EML1: variants seen among roughly 807,000 people sequenced by gnomAD.
EML1 encodes the protein EMAP like 1.
In EML1, 27 loss-of-function variants were observed where a neutral mutation model predicts 110.4. The observed-to-expected ratio is 0.24, with a 90% CI of 0.18 to 0.34. EML1 has a LOEUF of 0.34. Among genes scored for constraint, EML1 ranks in the 10% least tolerant of loss-of-function variants. The pLI, the probability that EML1 is intolerant of heterozygous loss-of-function variation, is 1.00. For synonymous variants in EML1, 344 were observed against 385.8 expected (o/e 0.89, Z 1.27); for missense variants, 741 against 1,030.9 (o/e 0.72, Z 3.85).
At chr14:99,818,872 G>A (rs1184908597) in intron 1 of EML1, among the ~76,000 whole-genome samples, 1 of 152,222 alleles carries the variant, frequency 6.6e-6, no homozygotes, top group Non-Finnish European at 1.5e-5. Context: ...GCAGAGGAGA[G>A]CAGAGAAGAA....
At chr14:99,899,150 T>C (rs1403166596) in intron 8 of EML1, among the ~76,000 whole-genome samples, 1 of 151,932 alleles carries the variant, frequency 6.6e-6, no homozygotes, top group Non-Finnish European at 1.5e-5. Flanking sequence ...TTTTTTGATA[T>C]CTACTTTTAT....
intron 2 of EML1, among the ~76,000 whole-genome samples, chr14:99,852,000 T>C (rs2058816791): frequency 6.6e-6 from 1 of 152,220 alleles, no homozygotes; most frequent in Admixed American, 6.5e-5. Flanking sequence ...TTCTAGCAAA[T>C]TTAAGTCATC....
rs2060120509 is a variant in EML1, at chr14:99,920,953, T to C, written c.1909+76T>C. On this transcript the variant is annotated intron_variant, in intron 17 of 21. Coordinates refer to ENST00000262233, the MANE Select transcript of EML1 (RefSeq NM_004434.3). The stretch of plus-strand genomic sequence containing the variant: ...TAAGTTCTGGAGTCCATGTGCAGGA[T>C]GTGTCGGTTTGTTACATAGGTAAAC... The C allele has an allele frequency of 2.2e-6, 3 of 1,390,808 alleles. No individual in the cohort carries two copies. The African/African-American group carries it at 4.3e-5, about 20-fold the overall frequency. The allele number at this position is 1,390,808 out of a possible 1,614,324, so 86.2% of individuals were successfully genotyped here. A position where few individuals can be genotyped will look rare whatever the true frequency, so the allele number is the denominator to read the frequency against.
chr14:99,746,794 G>A (rs909691215), intron 1 of EML1, among the ~76,000 whole-genome samples: 5 of 152,268 alleles, frequency 3.3e-5, no homozygotes, highest in Middle Eastern at 3.4e-3. Context: ...GCTGAGGCTG[G>A]CATAGAGCCT....
chr14:99,859,740 G>A (rs925064026), intron 2 of EML1, among the ~76,000 whole-genome samples: 1 of 152,190 alleles, frequency 6.6e-6, no homozygotes, highest in African/African-American at 2.4e-5. Context: ...CTCCAAATCT[G>A]TGTACAGGAT....
intron 17 of EML1, among the ~76,000 whole-genome samples, chr14:99,926,136 A>G (rs958454059): frequency 2.6e-5 from 4 of 152,130 alleles, no homozygotes; most frequent in African/African-American, 4.8e-5. Flanking sequence ...TCAGATTTTC[A>G]TGTCTTGTTC....
At chr14:99,745,482 C>T (rs1775694075) in intron 1 of EML1, among the ~76,000 whole-genome samples, 1 of 152,210 alleles carries the variant, frequency 6.6e-6, no homozygotes, top group South Asian at 2.1e-4. Flanking sequence ...CCACACACAT[C>T]ACACATTGCT....
At chr14:99,844,140 C>T (rs755776634) in intron 1 of EML1, among the ~76,000 whole-genome samples, 42 of 152,164 alleles carry the variant, frequency 2.8e-4, no homozygotes, top group Admixed American at 2.0e-4. Flanking sequence ...GCTGAGCTCT[C>T]ATAGTATAAT....
Position 99,807,910 on chromosome 14 carries a change from C to T in EML1, c.67+14367C>T, listed in dbSNP as rs114786408. On this transcript the variant is annotated intron_variant, in intron 1 of 21. Transcript: ENST00000262233. ...ATCTCATAAATGTTAGATTTGTGGT[C>T]TTACCACACCCCTCTGCTTACTGTG... Among the ~76,000 whole-genome samples the T allele has an allele frequency of 6.7e-3, 1,019 of 152,232 alleles. 22 individuals are homozygous for T. Among genetic ancestry groups the T allele is most frequent in the African/African-American group, 0.024 (980 of 41,532 alleles).
intron 1 of EML1, among the ~76,000 whole-genome samples, chr14:99,840,585 T>C (rs2058617213): frequency 1.3e-5 from 2 of 152,228 alleles, no homozygotes; most frequent in African/African-American, 4.8e-5. Context: ...GTGGCTATTA[T>C]TGTTTTGGTG....
At chr14:99,906,150 G>A (rs2059842577) in intron 9 of EML1, among the ~76,000 whole-genome samples, 1 of 152,134 alleles carries the variant, frequency 6.6e-6, no homozygotes, top group Non-Finnish European at 1.5e-5. Flanking sequence ...GTCAGCGTTT[G>A]GGTTGGGGGT....
intron 1 of EML1, among the ~76,000 whole-genome samples, chr14:99,740,344 C>T (rs2057027825): frequency 6.6e-6 from 1 of 152,228 alleles, no homozygotes; most frequent in Non-Finnish European, 1.5e-5. Context: ...GGAGTCCCAC[C>T]TGCACACCCA....
chr14:99,853,218 G>A (rs1053321676), intron 2 of EML1, among the ~76,000 whole-genome samples: 1 of 152,162 alleles, frequency 6.6e-6, no homozygotes, highest in African/African-American at 2.4e-5. Flanking sequence ...GCAAATCAAA[G>A]CTTAGTTGCC....
intron 1 of EML1, among the ~76,000 whole-genome samples, chr14:99,807,021 T>G (rs2057989428): frequency 1.3e-5 from 2 of 150,922 alleles, no homozygotes; most frequent in African/African-American, 2.4e-5. Flanking sequence ...TGAGTTTTTG[T>G]TTTTTTTTAA....
chr14:99,817,847 T>A (rs1383770617), intron 1 of EML1, among the ~76,000 whole-genome samples: 1 of 152,244 alleles, frequency 6.6e-6, no homozygotes, highest in East Asian at 1.9e-4. Context: ...ATGATCACAG[T>A]AAGCAGAAGG....
At chr14:99,758,581 TG>T (rs2057281682) in intron 1 of EML1, among the ~76,000 whole-genome samples, 1 of 152,222 alleles carries the variant, frequency 6.6e-6, no homozygotes, top group African/African-American at 2.4e-5. Context: ...GTAGTCATTT[TG>T]AGAGCCCCAG....
chr14:99,914,223 A>G lies in EML1; in HGVS notation c.1539A>G (p.Lys513=). 1.2e-6 allele frequency: 2 copies of G among 1,614,038 alleles called. No homozygotes were observed. Among genetic ancestry groups the G allele is most frequent in the Non-Finnish European group, 1.7e-6 (2 of 1,179,900 alleles). Residue 513 remains lysine (K), a synonymous_variant, in exon 14 of 22, where the codon AAA becomes AAG. Transcript: ENST00000262233. Reference sequence around the variant, plus strand: ...CAATACGGACAGTGGCCGAGGGGAAAGGCGATGTGATCTTGATTGGCACAA... The same window carrying G: ...CAATACGGACAGTGGCCGAGGGGAAGGGCGATGTGATCTTGATTGGCACAA... ...FGPIRTVAEG[K]GDVILIGTTR...
chr14:99,817,609 T>C (rs2139734162), intron 1 of EML1, among the ~76,000 whole-genome samples: 1 of 152,230 alleles, frequency 6.6e-6, no homozygotes, highest in African/African-American at 2.4e-5. Flanking sequence ...CCTGAAGGGG[T>C]CTCAGGGACT....
At chr14:99,931,109 TC>T (rs2060359567) in intron 17 of EML1, among the ~76,000 whole-genome samples, 1 of 152,124 alleles carries the variant, frequency 6.6e-6, no homozygotes, top group Non-Finnish European at 1.5e-5. Flanking sequence ...CATGTGGCAT[TC>T]CCCCTCCCTG....
Sources: gnomAD v4.1 joint callset for allele counts (sites outside exome capture counted in the v4.1 genomes callset) on GRCh38, gnomAD v4.1.1 for gene constraint, MANE v1.5 for transcripts, NCBI Gene and HGNC (gene_info 2026-07-23, HGNC 2026-07-21) for gene names.